NRXN3: variants seen among roughly 807,000 people sequenced by gnomAD.
NRXN3 encodes the protein neurexin III.
NRXN3 carries 32 observed loss-of-function variants against 137.6 expected under a neutral mutation model. The observed-to-expected ratio is 0.23, with a 90% CI of 0.18 to 0.31. The LOEUF is 0.31. NRXN3 is among the 10% of genes least tolerant of loss of function. The probability of loss-of-function intolerance (pLI) is 1.00; values close to 1 mark genes in which losing one functional copy is unlikely to be tolerated. For synonymous variants in NRXN3, 798 were observed against 784.5 expected (o/e 1.02, Z -0.29); for missense variants, 1,574 against 2,062.5 (o/e 0.76, Z 4.59).
chr14:78,276,283 C>G (rs66996565), intron 2 of NRXN3, among the ~76,000 whole-genome samples: 2 of 152,152 alleles, frequency 1.3e-5, no homozygotes, highest in African/African-American at 4.8e-5. Flanking sequence ...TGTTCGCCCC[C>G]TCACTTCACA....
At chr14:78,699,447 A>C (rs2152798463) in intron 6 of NRXN3, among the ~76,000 whole-genome samples, 1 of 152,322 alleles carries the variant, frequency 6.6e-6, no homozygotes, top group Non-Finnish European at 1.5e-5. Context: ...TTGATAAAGA[A>C]CCATCGAACA....
At chr14:79,854,459 A>C (rs1410158591) in intron 20 of NRXN3, among the ~76,000 whole-genome samples, 1 of 151,794 alleles carries the variant, frequency 6.6e-6, no homozygotes, top group Non-Finnish European at 1.5e-5. Flanking sequence ...TTTTTATTTC[A>C]TTTGTGTCGA....
intron 6 of NRXN3, among the ~76,000 whole-genome samples, chr14:78,674,822 T>C (rs1319227167): frequency 4.6e-5 from 7 of 152,224 alleles, no homozygotes; most frequent in African/African-American, 9.6e-5. Context: ...CCACTCTAAA[T>C]TCAGTGTCTT....
At chr14:78,869,107 G>A (rs958645348) in intron 10 of NRXN3, among the ~76,000 whole-genome samples, 10 of 152,074 alleles carry the variant, frequency 6.6e-5, no homozygotes, top group Non-Finnish European at 1.3e-4. Context: ...TAGACAAAAA[G>A]AAAGATATCC....
At chr14:79,242,899 A>C (rs555461735) in intron 15 of NRXN3, among the ~76,000 whole-genome samples, 47 of 152,306 alleles carry the variant, frequency 3.1e-4, no homozygotes, top group African/African-American at 1.1e-3. Flanking sequence ...CCAACAGTAC[A>C]TCTGCTGCTG....
intron 15 of NRXN3, among the ~76,000 whole-genome samples, chr14:79,216,785 G>T (rs1411801891): frequency 6.6e-6 from 1 of 152,102 alleles, no homozygotes; most frequent in Admixed American, 6.5e-5. Flanking sequence ...TAGGGACATT[G>T]TGTTATTCCA....
At chr14:79,345,467 G>A (rs1226578920) in intron 15 of NRXN3, among the ~76,000 whole-genome samples, 1 of 152,152 alleles carries the variant, frequency 6.6e-6, no homozygotes, top group Non-Finnish European at 1.5e-5. Flanking sequence ...ATGAGGTTTT[G>A]AGAAAAGCCA....
At chr14:78,569,424 C>T (rs1438233196) in intron 4 of NRXN3, among the ~76,000 whole-genome samples, 1 of 151,578 alleles carries the variant, frequency 6.6e-6, no homozygotes, top group Non-Finnish European at 1.5e-5. Context: ...CACTACCACG[C>T]CCAGCTAATT....
At chr14:78,825,196 CAAAAAAAAAAAAAA>C (rs11335474) in intron 10 of NRXN3, among the ~76,000 whole-genome samples, 8 of 75,824 alleles carry the variant, frequency 1.1e-4, no homozygotes, top group Admixed American at 8.9e-4. Flanking sequence ...GACTCTGCCT[CAAAAAAAAAAAAAA>C]AAAAAAAGAA....
rs199932981 is a variant in NRXN3 at position 78,877,149 on chromosome 14, T to C, written c.2275+66805T>C. Among the ~76,000 whole-genome samples, 4 of 152,328 alleles carry C rather than the reference T, an allele frequency of 2.6e-5. No homozygotes were observed. In the East Asian group the frequency reaches 7.7e-4, roughly 29 times the overall value. On this transcript the variant is annotated intron_variant, in intron 10 of 20. Transcript: ENST00000335750. The stretch of plus-strand genomic sequence containing the variant: ...GGTGAGGTTCATTCATTCAATTGCT[T>C]CTTGGCTGAGCAAATTTATATTCTC...
At chr14:79,777,403 C>T (rs2099100289) in intron 19 of NRXN3, among the ~76,000 whole-genome samples, 1 of 150,998 alleles carries the variant, frequency 6.6e-6, no homozygotes. Flanking sequence ...AGTTGGGGAG[C>T]AGATTCCATG....
chr14:78,531,657 T>A (rs1192991825), intron 4 of NRXN3, among the ~76,000 whole-genome samples: 1 of 152,160 alleles, frequency 6.6e-6, no homozygotes, highest in African/African-American at 2.4e-5. Context: ...GTTGGCCTTT[T>A]AGAGTCTGAC....
chr14:79,725,415 T>C lies in NRXN3; in HGVS notation c.4014+27478T>C, dbSNP rs572062868. 2.0e-5 allele frequency among the ~76,000 whole-genome samples: 3 copies of C among 152,106 alleles called. No homozygotes were observed. The South Asian group carries it at 6.4e-4, about 33-fold the overall frequency. Reference sequence around the variant, plus strand: ...TTAAGAAAACTTACCATCAGTGTGGTTTCCCCCTTTCTCTCAGTCAAGCAC... The same window carrying C: ...TTAAGAAAACTTACCATCAGTGTGGCTTCCCCCTTTCTCTCAGTCAAGCAC... On this transcript the variant is annotated intron_variant, in intron 19 of 20. Transcript: ENST00000335750.
chr14:79,101,338 T>C (rs1193468834), intron 15 of NRXN3, among the ~76,000 whole-genome samples: 2 of 152,172 alleles, frequency 1.3e-5, no homozygotes, highest in African/African-American at 4.8e-5. Context: ...AATTCAAGCT[T>C]AAGTTTTCCT....
At chr14:79,043,833 C>T (rs1476383314) in intron 15 of NRXN3, among the ~76,000 whole-genome samples, 1 of 152,138 alleles carries the variant, frequency 6.6e-6, no homozygotes, top group African/African-American at 2.4e-5. Flanking sequence ...AAATTCAAAG[C>T]TACCATGTGA....
chr14:78,775,504 T>C (rs915919506), intron 8 of NRXN3, among the ~76,000 whole-genome samples: 1 of 152,168 alleles, frequency 6.6e-6, no homozygotes, highest in African/African-American at 2.4e-5. Context: ...TCATTACTGT[T>C]AGTATATTTT....
chr14:79,014,460 T>C (rs1348082072), intron 15 of NRXN3, among the ~76,000 whole-genome samples: 2 of 152,202 alleles, frequency 1.3e-5, no homozygotes, highest in Non-Finnish European at 1.5e-5. Context: ...CTGCGTAGTA[T>C]TCCATGGCAT....
At chr14:78,929,074 T>A (rs1354420863) in intron 10 of NRXN3, among the ~76,000 whole-genome samples, 1 of 152,170 alleles carries the variant, frequency 6.6e-6, no homozygotes, top group Non-Finnish European at 1.5e-5. Flanking sequence ...TTTTCATGTG[T>A]TTTTTGGCTG....
At chr14:78,185,954 A>G (rs1275076340) in intron 1 of NRXN3, among the ~76,000 whole-genome samples, 1 of 152,148 alleles carries the variant, frequency 6.6e-6, no homozygotes, top group African/African-American at 2.4e-5. Context: ...TCCTTGGAGC[A>G]TGGTATGTAT....
Sources: gnomAD v4.1 joint callset for allele counts (sites outside exome capture counted in the v4.1 genomes callset) on GRCh38, gnomAD v4.1.1 for gene constraint, MANE v1.5 for transcripts, NCBI Gene and HGNC (gene_info 2026-07-23, HGNC 2026-07-21) for gene names.